Variants in REDIC1 observed in about 807,000 individuals in gnomAD.
The protein encoded by REDIC1 is HEI10 Interacting Protein 1.
chr12:39,782,374 T>C, the REDIC1 span, among the ~76,000 whole-genome samples: 1 of 152,128 alleles, frequency 6.6e-6, no homozygotes, highest in Non-Finnish European at 1.5e-5. Flanking sequence ...ATTCTTGTAA[T>C]AGTGAGTAAG....
the REDIC1 span, among the ~76,000 whole-genome samples, chr12:39,851,065 A>G: frequency 6.6e-6 from 1 of 151,944 alleles, no homozygotes; most frequent in African/African-American, 2.4e-5. Context: ...ACATCCAGCT[A>G]ATTTTTGTAT....
the REDIC1 span, among the ~76,000 whole-genome samples, chr12:39,900,111 G>T: frequency 6.6e-6 from 1 of 151,954 alleles, no homozygotes; most frequent in Non-Finnish European, 1.5e-5. Flanking sequence ...CTCAATAGAG[G>T]CAGAAAAGGC....
the REDIC1 span, among the ~76,000 whole-genome samples, chr12:39,851,571 CA>C: frequency 2.0e-5 from 3 of 152,110 alleles, no homozygotes; most frequent in Non-Finnish European, 4.4e-5. Flanking sequence ...ACTGAAGGAG[CA>C]ACATTATCAT....
At chr12:39,878,922 A>C in the REDIC1 span, among the ~76,000 whole-genome samples, 3 of 152,228 alleles carry the variant, frequency 2.0e-5, no homozygotes, top group Non-Finnish European at 2.9e-5. Context: ...CTAGGAGTAT[A>C]GAATGGTTTT....
chr12:39,748,711 C>G, the REDIC1 span, among the ~76,000 whole-genome samples: 518 of 152,304 alleles, frequency 3.4e-3, 1 homozygote, highest in Admixed American at 5.6e-3. Context: ...GAAACTATAA[C>G]AAATGGTCTC....
the REDIC1 span, among the ~76,000 whole-genome samples, chr12:39,840,000 T>C: frequency 7.4e-4 from 112 of 152,216 alleles, no homozygotes; most frequent in Non-Finnish European, 1.4e-3. Context: ...GTCTCAAGCA[T>C]GTATAGTTCC....
the REDIC1 span, chr12:39,755,637 A>C: frequency 6.6e-6 from 1 of 152,058 alleles, no homozygotes; most frequent in African/African-American, 2.4e-5. Context: ...TTGGTTACTC[A>C]TTAGCTGCAT....
chr12:39,679,575 C>A, the REDIC1 span, among the ~76,000 whole-genome samples: 7 of 152,090 alleles, frequency 4.6e-5, no homozygotes, highest in African/African-American at 1.7e-4. Flanking sequence ...CTGCCAAAAG[C>A]AATCTATAAA....
chr12:39,865,796 T>C, the REDIC1 span, among the ~76,000 whole-genome samples: 1 of 152,212 alleles, frequency 6.6e-6, no homozygotes. Flanking sequence ...TAATGCTGCA[T>C]GTTCTCATTT....
At chr12:39,683,070 C>G in the REDIC1 span, 1 of 1,612,492 alleles carries the variant, frequency 6.2e-7, no homozygotes, top group African/African-American at 1.3e-5. Flanking sequence ...GAGAGTATAA[C>G]AAAAATGAAA....
chr12:39,799,452 C>G, the REDIC1 span, among the ~76,000 whole-genome samples: 2 of 63,466 alleles, frequency 3.2e-5, no homozygotes, highest in Non-Finnish European at 9.0e-5. Context: ...CTCTACACGG[C>G]GCACTTTTAC....
the REDIC1 span, chr12:39,864,815 G>T: frequency 5.0e-6 from 8 of 1,614,042 alleles, no homozygotes; most frequent in Non-Finnish European, 6.8e-6. Context: ...GCTTAAAAGT[G>T]ATGCGTGGGG....
the REDIC1 span, among the ~76,000 whole-genome samples, chr12:39,694,069 C>T: frequency 4.6e-5 from 7 of 152,176 alleles, no homozygotes; most frequent in Non-Finnish European, 1.0e-4. Flanking sequence ...TAAAAATGCT[C>T]ATTGGCTATT....
chr12:39,886,057 C>T, the REDIC1 span, among the ~76,000 whole-genome samples: 1 of 152,062 alleles, frequency 6.6e-6, no homozygotes, highest in Admixed American at 6.6e-5. Flanking sequence ...TGTTTAAGCC[C>T]TCTTACACTT....
the REDIC1 span, among the ~76,000 whole-genome samples, chr12:39,802,572 G>C: frequency 0.011 from 1,674 of 152,246 alleles, 27 homozygotes; most frequent in African/African-American, 0.038. Context: ...CACTGAAAGT[G>C]GGACACAAGA....
chr12:39,787,230 A>G, the REDIC1 span, among the ~76,000 whole-genome samples: 1 of 152,178 alleles, frequency 6.6e-6, no homozygotes, highest in Non-Finnish European at 1.5e-5. Flanking sequence ...ACTACCTTCC[A>G]CCAGTGGCCT....
the REDIC1 span, among the ~76,000 whole-genome samples, chr12:39,710,970 T>G: frequency 6.6e-6 from 1 of 151,438 alleles, no homozygotes; most frequent in African/African-American, 2.4e-5. Context: ...TAGTGGTGAT[T>G]TGTGAGACCG....
the REDIC1 span, among the ~76,000 whole-genome samples, chr12:39,741,926 T>G: frequency 6.6e-6 from 1 of 152,218 alleles, no homozygotes; most frequent in African/African-American, 2.4e-5. Context: ...CAGATGTGAC[T>G]TAACCCTTGC....
chr12:39,802,831 ATAT>A, the REDIC1 span, among the ~76,000 whole-genome samples: 2 of 152,196 alleles, frequency 1.3e-5, no homozygotes, highest in African/African-American at 4.8e-5. Flanking sequence ...CAGGCCAAAA[ATAT>A]TATATCAGAT....
Sources: gnomAD v4.1 joint callset for allele counts (sites outside exome capture counted in the v4.1 genomes callset) on GRCh38, gnomAD v4.1.1 for gene constraint, MANE v1.5 for transcripts, NCBI Gene and HGNC (gene_info 2026-07-23, HGNC 2026-07-21) for gene names.